The following ASIC1 variants were observed in gnomAD, a reference collection of about 807,000 sequenced individuals.
ASIC1 encodes the protein acid sensing ion channel subunit 1, also known as acid-sensing ion channel 1.
ASIC1 carries 21 observed loss-of-function variants against 63.4 expected under a neutral mutation model. That is an observed-to-expected ratio of 0.33 (90% CI 0.23 to 0.48). The LOEUF is 0.48. ASIC1 is among the 20% of genes least tolerant of loss of function. The pLI, the probability that ASIC1 is intolerant of heterozygous loss-of-function variation, is 0.99. For missense variants in ASIC1, 478 were observed against 695.5 expected, an observed-to-expected ratio of 0.69 and a Z score of 3.52; for synonymous variants, 258 against 278.2, an observed-to-expected ratio of 0.93 and a Z score of 0.72.
At position 50,058,781 on chromosome 12, in the gene ASIC1, C is replaced by T. The variant is rs773285015; in HGVS notation, c.15C>T (p.Ala5=). The change falls in exon 2 of 12, where the codon GCC becomes GCT. Residue 5 remains alanine, a synonymous_variant. Transcript: ENST00000447966. ...CCTCAACAAGGATGGAACTGAAGGCCGAGGAGGAGGAGGTGGGTGGCGTCC... is the reference window on the plus strand; with the variant it reads ...CCTCAACAAGGATGGAACTGAAGGCTGAGGAGGAGGAGGTGGGTGGCGTCC... The part of the protein sequence containing the change: MELK[A]EEEEVGGVQP... 1.1e-5 allele frequency: 18 copies of T among 1,584,730 alleles called. No homozygotes were observed. The highest frequency in any genetic ancestry group is 2.7e-5 in the African/African-American group (2 of 74,662).
Position 50,081,528 on chromosome 12 carries a change from C to G in ASIC1, c.1483-17C>G. 6.2e-7 allele frequency: 1 copy of G among 1,612,872 alleles called. No individual in the cohort carries two copies. Among genetic ancestry groups the G allele is most frequent in the Non-Finnish European group, 8.5e-7 (1 of 1,179,296 alleles). On this transcript the variant is annotated splice_polypyrimidine_tract_variant and intron_variant, in intron 11 of 11. Transcript: ENST00000447966. ...TTCCGAGGGATAACCCGTCCCTGTC[C>G]TGTCCCCTTCCCCCAGAACCCGTGC... is the stretch of plus-strand genomic sequence containing the variant.
In ASIC1 at chr12:50,074,858, C is replaced by CTGTGTG. The variant is rs1392742315; in HGVS notation, c.559-2354_559-2353insGTGTGT. On this transcript the variant is annotated intron_variant, in intron 3 of 11. Transcript: ENST00000447966. This position sits in a 1 kb window ranked among gnomAD's most constrained non-coding sequence, Gnocchi z 4.2. ...CCTATGGACGCCCCACCCCCACCAG[C>CTGTGTG]TCTGTGTGTGTGTGTGTGTGTGTGT... is the stretch of plus-strand genomic sequence containing the variant. Among the ~76,000 whole-genome samples, 3 of 127,178 alleles carry CTGTGTG rather than the reference C, an allele frequency of 2.4e-5. No homozygotes were observed. The highest frequency in any genetic ancestry group is 9.3e-5 in the African/African-American group (3 of 32,150). The allele number at this position is 127,178 out of a possible 152,430, so 83.4% of individuals were successfully genotyped here.
chr12:50,079,092 C>T (rs1264420919), intron 7 of ASIC1, 112 bp downstream of exon 7: 11 of 1,044,748 alleles, frequency 1.1e-5, no homozygotes, highest in Non-Finnish European at 1.6e-5. Flanking sequence ...CTGGACTGGG[C>T]TGCACCCTCT....
At chr12:50,077,032 C>T in intron 3 of ASIC1, 181 bp from the exon 4 acceptor site, 1 of 1,043,418 alleles carries the variant, frequency 9.6e-7, no homozygotes, top group Non-Finnish European at 1.5e-6. Flanking sequence ...TTCCAGGGCA[C>T]ACAGAGGGCA....
chr12:50,079,779 A>C (rs1950695856), intron 7 of ASIC1, 123 bp from the exon 8 acceptor site: 1 of 1,195,674 alleles, frequency 8.4e-7, no homozygotes, highest in Non-Finnish European at 1.2e-6. Flanking sequence ...GGCAGGGTGA[A>C]GGGCAGGTCA....
At chr12:50,058,219 G>T (rs923917916) in intron 1 of ASIC1, among the ~76,000 whole-genome samples, 1 of 152,012 alleles carries the variant, frequency 6.6e-6, no homozygotes, top group Non-Finnish European at 1.5e-5. Flanking sequence ...GGAGACACCC[G>T]CAGGTGAGGA....
chr12:50,069,256 TTTTA>T (rs58172412), intron 3 of ASIC1, among the ~76,000 whole-genome samples: 1,514 of 146,332 alleles, frequency 0.01, 20 homozygotes, highest in African/African-American at 0.016. Context: ...TTATTTTTTA[TTTTA>T]TTTATTTATT....
chr12:50,068,798 C>G (rs1950570145), intron 3 of ASIC1, among the ~76,000 whole-genome samples: 1 of 151,960 alleles, frequency 6.6e-6, no homozygotes. Context: ...CCTGCCTTGA[C>G]AGGATCTGCC....
intron 3 of ASIC1, among the ~76,000 whole-genome samples, chr12:50,076,358 T>C (rs1490342406): frequency 2.0e-5 from 3 of 152,022 alleles, no homozygotes; most frequent in East Asian, 3.9e-4. Context: ...TCCCAGCTAC[T>C]TGGGAGGCTG....
chr12:50,066,721 C>T (rs750321682), intron 3 of ASIC1, among the ~76,000 whole-genome samples: 16 of 152,166 alleles, frequency 1.1e-4, no homozygotes, highest in Admixed American at 6.5e-4. Flanking sequence ...ATGACTACTT[C>T]GAACTTCTCC....
intron 3 of ASIC1, among the ~76,000 whole-genome samples, chr12:50,068,488 C>T (rs1285504815): frequency 6.6e-6 from 1 of 151,842 alleles, no homozygotes; most frequent in Admixed American, 6.6e-5. Flanking sequence ...ACTTTATATT[C>T]TATTCTTGGG....
In ASIC1 at chr12:50,058,908, C is replaced by T. The variant is rs568238610; in HGVS notation, c.142C>T (p.Leu48=). ...RLSLKRALWA[L]CFLGSLAVLL... ...GTCTCTGAAGCGGGCACTGTGGGCC[C>T]TGTGCTTCCTGGGCTCCCTGGCTGT... Residue 48 remains leucine (L), a synonymous_variant, in exon 2 of 12, where the codon CTG becomes TTG. Transcript: ENST00000447966. 715 of 1,614,132 alleles carry T rather than the reference C, an allele frequency of 4.4e-4. 6 individuals carry two copies. In the South Asian group the frequency reaches 7.4e-3, roughly 17 times the overall value.
intron 3 of ASIC1, 131 bp downstream of exon 3, chr12:50,060,085 T>C (rs1950487349): frequency 9.1e-7 from 1 of 1,099,312 alleles, no homozygotes. Context: ...GGTTTGCTTC[T>C]AGTAGAAGGG....
chr12:50,067,364 C>T (rs898934540), intron 3 of ASIC1, among the ~76,000 whole-genome samples: 1 of 151,252 alleles, frequency 6.6e-6, no homozygotes. Flanking sequence ...TATTCTTGAT[C>T]TCTCAATAGC....
intron 4 of ASIC1, among the ~76,000 whole-genome samples, 200 bp from the exon 5 acceptor site, chr12:50,077,800 G>C (rs1431036981): frequency 6.6e-6 from 1 of 152,138 alleles, no homozygotes; most frequent in African/African-American, 2.4e-5. Context: ...GAAGTGTGTA[G>C]GATACAGGGG....
chr12:50,059,188 A>T lies in ASIC1; in HGVS notation c.362+60A>T, dbSNP rs1344374550. On this transcript the variant is annotated intron_variant, in intron 2 of 11. Coordinates refer to ENST00000447966, the MANE Select transcript of ASIC1 (RefSeq NM_001095.4). This position sits in a 1 kb window ranked among gnomAD's most constrained non-coding sequence, Gnocchi z 4.6. ...TGGAGTTGCTTGAGTTCCAGTCAGG[A>T]TGTCTGCCTCCCTGACCCACCATAG... The T allele has an allele frequency of 1.1e-5, 18 of 1,579,758 alleles. No homozygotes were observed. The highest frequency in any genetic ancestry group is 2.7e-5 in the African/African-American group (2 of 74,428).
intron 3 of ASIC1, among the ~76,000 whole-genome samples, chr12:50,061,288 C>G (rs1039158529): frequency 3.1e-4 from 47 of 152,174 alleles, no homozygotes; most frequent in African/African-American, 1.1e-3. Context: ...TGCAAGACCT[C>G]CCAATATCCT....
At chr12:50,080,843 C>A in intron 9 of ASIC1, 1 of 931,136 alleles carries the variant, frequency 1.1e-6, no homozygotes, top group East Asian at 2.6e-5. Context: ...ATTTCATATG[C>A]CCCTAAACTA....
chr12:50,072,045 G>T (rs1381468028), intron 3 of ASIC1, among the ~76,000 whole-genome samples: 1 of 152,206 alleles, frequency 6.6e-6, no homozygotes, highest in African/African-American at 2.4e-5. Context: ...CTTTGTCCCT[G>T]GCAGCAAAGC....
Sources: allele counts gnomAD v4.1 joint callset (sites outside exome capture counted in the v4.1 genomes callset), GRCh38; gene constraint gnomAD v4.1.1; non-coding constraint Gnocchi (gnomAD v3.1); transcripts MANE v1.5; gene names NCBI Gene and HGNC (gene_info 2026-07-23, HGNC 2026-07-21).